UCN3: variants seen among roughly 807,000 people sequenced by gnomAD.
UCN3 encodes the protein urocortin-3.
In UCN3, 3 loss-of-function variants were observed where a neutral mutation model predicts 3.6. That is an observed-to-expected ratio of 0.83 (90% CI 0.38 to 2.15). UCN3 has a LOEUF of 2.15. Among genes scored for constraint, UCN3 ranks in the 30% most tolerant of loss-of-function variants. UCN3 has a pLI of 0.06. For synonymous variants in UCN3, 100 were observed against 93.2 expected (o/e 1.07, Z -0.42); for missense variants, 206 against 208.3 (o/e 0.99, Z 0.07).
chr10:5,369,887 A>ATG (rs782305269), intron 1 of UCN3, among the ~76,000 whole-genome samples: 1,476 of 73,788 alleles, frequency 0.02, 103 homozygotes, highest in South Asian at 0.066. Flanking sequence ...GTGTGTGTAT[A>ATG]TGTGTGTGTG....
At chr10:5,370,780 T>A (rs1383883641) in intron 1 of UCN3, among the ~76,000 whole-genome samples, 3 of 115,656 alleles carry the variant, frequency 2.6e-5, no homozygotes, top group African/African-American at 1.1e-4. Context: ...TGTATATGCG[T>A]GTGTGTGTGT....
At chr10:5,370,300 TGTGTATATGC>T (rs1169711008) in intron 1 of UCN3, among the ~76,000 whole-genome samples, 3 of 88,234 alleles carry the variant, frequency 3.4e-5, no homozygotes, top group African/African-American at 5.6e-5. Context: ...TGTGTATGCG[TGTGTATATGC>T]GTGTATGTGT....
intron 1 of UCN3, among the ~76,000 whole-genome samples, chr10:5,369,966 CGTGTGTATATGCGTGTG>C (rs1831325287): frequency 1.1e-4 from 2 of 18,146 alleles, no homozygotes; most frequent in Non-Finnish European, 2.1e-4. Flanking sequence ...TGTGTATATG[CGTGTGTATATGCGTGTG>C]TATATGTGTG....
intron 1 of UCN3, among the ~76,000 whole-genome samples, chr10:5,368,242 G>T (rs1208593594): frequency 6.6e-6 from 1 of 152,176 alleles, no homozygotes; most frequent in African/African-American, 2.4e-5. Flanking sequence ...GACCTCAGGT[G>T]ATCCACCTGC....
intron 1 of UCN3, among the ~76,000 whole-genome samples, chr10:5,370,699 G>GA (rs782075215): frequency 2.1e-5 from 2 of 96,332 alleles, no homozygotes; most frequent in African/African-American, 4.0e-5. Context: ...GTGTGTATAT[G>GA]TGTGTGTATA....
chr10:5,370,114 T>C (rs201828105), intron 1 of UCN3, among the ~76,000 whole-genome samples: 1,161 of 57,944 alleles, frequency 0.02, 173 homozygotes, highest in African/African-American at 0.094. Context: ...TGTGTATATG[T>C]GTGTGTATGT....
Position 5,374,269 on chromosome 10 carries a change from G to A in UCN3, c.*63G>A, listed in dbSNP as rs1242634421. On this transcript the variant is annotated 3_prime_UTR_variant, in exon 2 of 2. Coordinates refer to ENST00000380433, the MANE Select transcript of UCN3 (RefSeq NM_053049.4). ...GGGGAGGGGAGGGGGAGGGGAGGGC[G>A]AGGGGGGGAGGGGAGGGGGAGGGTG... The A allele has an allele frequency of 2.9e-5, 14 of 487,370 alleles. No individual in the cohort carries two copies. The highest frequency in any genetic ancestry group is 5.6e-4 in the Middle Eastern group (1 of 1,776). The allele number at this position is 487,370 out of a possible 1,614,324, so 30.2% of individuals were successfully genotyped here.
rs1554811797 is a variant in UCN3 at position 5,374,023 on chromosome 10, A to G, written c.303A>G (p.Ala101=). 3 of 1,612,364 alleles carry G rather than the reference A, an allele frequency of 1.9e-6. No homozygotes were observed. Among genetic ancestry groups the G allele is most frequent in the South Asian group, 2.2e-5 (2 of 90,778 alleles). The change falls in exon 2 of 2, where the codon GCA becomes GCG. Residue 101 remains alanine (A), a synonymous_variant. Coordinates refer to ENST00000380433, the MANE Select transcript of UCN3 (RefSeq NM_053049.4). ...RGTRYRYVSQ[A]QPRGKPRQDT... is the part of the protein sequence containing the mutation. ...CCCGGTACAGATACGTGTCCCAAGC[A>G]CAGCCCAGGGGAAAGCCACGCCAGG...
At chr10:5,372,807 G>A (rs182718718) in intron 1 of UCN3, among the ~76,000 whole-genome samples, 6 of 148,610 alleles carry the variant, frequency 4.0e-5, no homozygotes, top group African/African-American at 1.2e-4. Context: ...CTCCCACCTC[G>A]GCATCCCACA....
In UCN3 at chr10:5,371,037, CTATA is replaced by C. The variant is rs1304488876; in HGVS notation, c.-6-2676_-6-2673del. On this transcript the variant is annotated intron_variant, in intron 1 of 1. Coordinates refer to ENST00000380433, the MANE Select transcript of UCN3 (RefSeq NM_053049.4). ...CATATATATACGTGTGTGCATGTGT[CTATA>C]TGTATGTGTGTGTATGTATGTACGT... 7.4e-4 allele frequency among the ~76,000 whole-genome samples: 103 copies of C among 139,408 alleles called. 2 individuals are homozygous for C. The highest frequency in any genetic ancestry group is 2.6e-3 in the African/African-American group (94 of 36,076). 91.5% of individuals were successfully genotyped at this position (139,408 alleles called of 152,430 possible). A position where few individuals can be genotyped will look rare whatever the true frequency, so the allele number is the denominator to read the frequency against.
intron 1 of UCN3, among the ~76,000 whole-genome samples, chr10:5,368,440 C>A (rs980264247): frequency 5.9e-5 from 9 of 152,152 alleles, no homozygotes; most frequent in African/African-American, 2.2e-4. Context: ...AGAAAGAAAT[C>A]AGAACAAAGA....
chr10:5,373,957 G>C lies in UCN3; in HGVS notation c.237G>C (p.Lys79Asn), dbSNP rs533599533. Reference sequence around the variant, plus strand: ...AGGAGGAGGAGGGCAAAGAGAAAAAGACTTTCCCCATCTCTGGGGCCAGGG... The same window carrying C: ...AGGAGGAGGAGGGCAAAGAGAAAAACACTTTCCCCATCTCTGGGGCCAGGG... ...SGEEEEGKEK[K>N]TFPISGARGG... The change falls in exon 2 of 2, where the codon AAG becomes AAC. Residue 79 changes from lysine to asparagine, a missense_variant. By Grantham distance (94) the Lys-to-Asn change is moderately conservative. Coordinates refer to ENST00000380433, the MANE Select transcript of UCN3 (RefSeq NM_053049.4). 2 of 1,611,258 alleles carry C rather than the reference G, an allele frequency of 1.2e-6. No homozygotes were observed. Among genetic ancestry groups the C allele is most frequent in the South Asian group, 1.1e-5 (1 of 90,618 alleles).
chr10:5,368,286 G>A (rs946125004), intron 1 of UCN3, among the ~76,000 whole-genome samples: 21 of 152,256 alleles, frequency 1.4e-4, no homozygotes, highest in African/African-American at 4.8e-4. Flanking sequence ...TTACAGGTGT[G>A]AGCCACCCAG....
At chr10:5,370,893 A>ATG (rs1188476129) in intron 1 of UCN3, among the ~76,000 whole-genome samples, 1 of 124,474 alleles carries the variant, frequency 8.0e-6, no homozygotes, top group Admixed American at 8.0e-5. Context: ...GCGTGTGTAT[A>ATG]TGCGTGTGTA....
chr10:5,370,673 G>A (rs1380466168), intron 1 of UCN3, among the ~76,000 whole-genome samples: 8 of 87,816 alleles, frequency 9.1e-5, no homozygotes, highest in African/African-American at 2.1e-4. Context: ...GTATGTGTGT[G>A]TATGTGTGTG....
At chr10:5,370,414 T>C (rs1385969636) in intron 1 of UCN3, among the ~76,000 whole-genome samples, 3 of 110,524 alleles carry the variant, frequency 2.7e-5, no homozygotes, top group African/African-American at 7.9e-5. Context: ...TGTATATGTG[T>C]GTGTGTATAT....
Position 5,373,939 on chromosome 10 carries a change from G to T in UCN3, c.219G>T (p.Glu73Asp), listed in dbSNP as rs782719963. ...GAGACGCCTCTTCGGGAGAGGAGGA[G>T]GAGGGCAAAGAGAAAAAGACTTTCC... ...RSRDASSGEE[E>D]EGKEKKTFPI... Residue 73 changes from glutamate (E) to aspartate (D), a missense_variant, in exon 2 of 2, where the codon GAG becomes GAT. Transcript: ENST00000380433. 23 of 1,612,306 alleles carry T rather than the reference G, an allele frequency of 1.4e-5. No homozygotes were observed. Among genetic ancestry groups the T allele is most frequent in the Non-Finnish European group, 1.9e-5 (22 of 1,179,258 alleles).
intron 1 of UCN3, among the ~76,000 whole-genome samples, chr10:5,370,859 G>GTGCGTGTGTA (rs1831406074): frequency 9.7e-5 from 11 of 113,582 alleles, no homozygotes; most frequent in African/African-American, 3.8e-4. Flanking sequence ...GCGCGTGTGT[G>GTGCGTGTGTA]TGCGTGTGTA....
intron 1 of UCN3, among the ~76,000 whole-genome samples, chr10:5,370,732 GTATATGTGTGTGTA>G (rs1831390892): frequency 8.6e-6 from 1 of 116,886 alleles, no homozygotes; most frequent in Non-Finnish European, 1.7e-5. Flanking sequence ...ATATGCGTGT[GTATATGTGTGTGTA>G]TATGATGTGT....
Sources: allele counts gnomAD v4.1 joint callset (sites outside exome capture counted in the v4.1 genomes callset), GRCh38; gene constraint gnomAD v4.1.1; transcripts MANE v1.5; gene names NCBI Gene and HGNC (gene_info 2026-07-23, HGNC 2026-07-21).